The following ADGRG6 variants were observed in gnomAD, a reference collection of about 807,000 sequenced individuals.
ADGRG6 encodes adhesion G protein-coupled receptor G6, also known as G-protein coupled receptor 126.
In ADGRG6, 84 loss-of-function variants were observed where a neutral mutation model predicts 142.4. The ratio of observed to expected loss-of-function variants is 0.59; its 90% CI spans 0.49 to 0.71. The LOEUF is 0.71. ADGRG6 is among the 30% of genes least tolerant of loss of function. The pLI, the probability that ADGRG6 is intolerant of heterozygous loss-of-function variation, is 0.00. For synonymous variants in ADGRG6, 521 were observed against 520.5 expected, an observed-to-expected ratio of 1.00 and a Z score of -0.01; for missense variants, 1,367 against 1,466.6, an observed-to-expected ratio of 0.93 and a Z score of 1.11.
chr6:142,331,792 AC>A (rs1025723401), intron 2 of ADGRG6, among the ~76,000 whole-genome samples: 6 of 152,010 alleles, frequency 3.9e-5, no homozygotes, highest in African/African-American at 1.5e-4. Flanking sequence ...GCTTGCTAGC[AC>A]CCCCTCACTC....
At chr6:142,442,461 G>A (rs1777803475) in intron 24 of ADGRG6, among the ~76,000 whole-genome samples, 1 of 152,044 alleles carries the variant, frequency 6.6e-6, no homozygotes. Context: ...GCCAATTTTA[G>A]AAAGCTTTTG....
intron 2 of ADGRG6, among the ~76,000 whole-genome samples, chr6:142,326,592 C>G (rs1042864142): frequency 6.6e-6 from 1 of 151,268 alleles, no homozygotes. Context: ...TTGTACAGAA[C>G]AGAGTTTTGT....
At chr6:142,303,534 G>T (rs1777331392) in intron 1 of ADGRG6, among the ~76,000 whole-genome samples, 1 of 152,218 alleles carries the variant, frequency 6.6e-6, no homozygotes, top group African/African-American at 2.4e-5. Context: ...ACACCTGGGA[G>T]TTTTAAAGTT....
At chr6:142,338,734 A>G (rs1000275250) in intron 2 of ADGRG6, among the ~76,000 whole-genome samples, 1 of 152,054 alleles carries the variant, frequency 6.6e-6, no homozygotes, top group Non-Finnish European at 1.5e-5. Flanking sequence ...ATAATCCTGT[A>G]ATCTAAAAGA....
chr6:142,354,075 C>T (rs1366270455), intron 2 of ADGRG6, among the ~76,000 whole-genome samples: 1 of 152,098 alleles, frequency 6.6e-6, no homozygotes, highest in Non-Finnish European at 1.5e-5. Context: ...AGACTTGTGT[C>T]CAAAATAGCT....
chr6:142,306,519 T>C (rs1425688904), intron 1 of ADGRG6, among the ~76,000 whole-genome samples: 1 of 152,154 alleles, frequency 6.6e-6, no homozygotes, highest in African/African-American at 2.4e-5. Flanking sequence ...GCAAGTAGTT[T>C]AGTATCTCAG....
At position 142,376,514 on chromosome 6, in the gene ADGRG6, G is replaced by T. The variant is rs1781507485; in HGVS notation, c.1070-5437G>T. On this transcript the variant is annotated intron_variant, in intron 4 of 24. Transcript: ENST00000367609. ...CTCTCTAGGATTTTTTACAGAGTTT[G>T]CTAAGGTTTCATCAACTCTTGGATT... Among the ~76,000 whole-genome samples, 2 of 152,052 alleles carry T rather than the reference G, an allele frequency of 1.3e-5. 1 individual carries two copies. Among genetic ancestry groups the T allele is most frequent in the South Asian group, 4.2e-4 (2 of 4,812 alleles).
At chr6:142,409,294 A>G (rs1775967064) in intron 16 of ADGRG6, among the ~76,000 whole-genome samples, 1 of 152,162 alleles carries the variant, frequency 6.6e-6, no homozygotes, top group South Asian at 2.1e-4. Context: ...CTTATTTCAT[A>G]GCACAGTGTC....
In ADGRG6 at chr6:142,309,558, A is replaced by G; in HGVS notation, c.17A>G (p.Asp6Gly). The change falls in exon 2 of 25, where the codon GAT becomes GGT. Residue 6 changes from aspartate to glycine, a missense_variant. Asp to Gly is a moderately conservative substitution (Grantham distance 94). This residue lies in a region of ADGRG6 where 737 missense variants were observed against 746.5 expected (regional missense o/e 0.99). Coordinates refer to ENST00000367609, the MANE Select transcript of ADGRG6 (RefSeq NM_198569.3). ...TTTCTTTGCAGGATGTTTCGCTCAG[A>G]TCGAATGTGGAGCTGCCATTGGAAA... is the stretch of plus-strand genomic sequence containing the variant. MMFRS[D>G]RMWSCHWKWK... 6.2e-7 allele frequency: 1 copy of G among 1,608,526 alleles called. No individual in the cohort carries two copies. The highest frequency in any genetic ancestry group is 8.5e-7 in the Non-Finnish European group (1 of 1,176,924).
chr6:142,430,054 G>A (rs777302102), intron 22 of ADGRG6, among the ~76,000 whole-genome samples: 4 of 151,556 alleles, frequency 2.6e-5, no homozygotes, highest in Non-Finnish European at 4.4e-5. Context: ...TTGTCTCAGG[G>A]GAAAAAAAAG....
At chr6:142,393,192 GT>G (rs1046633826) in intron 8 of ADGRG6, among the ~76,000 whole-genome samples, 192 bp downstream of exon 8, 6 of 152,056 alleles carry the variant, frequency 3.9e-5, no homozygotes, top group Non-Finnish European at 2.9e-5. Context: ...GTTTTAAACT[GT>G]TTTGATCATG....
chr6:142,421,347 T>C (rs1035482584), intron 22 of ADGRG6, among the ~76,000 whole-genome samples: 6 of 152,202 alleles, frequency 3.9e-5, no homozygotes, highest in African/African-American at 1.2e-4. Flanking sequence ...CATTGTCTTA[T>C]AACAAAGGAA....
chr6:142,413,710 C>G (rs1489787159), intron 18 of ADGRG6, among the ~76,000 whole-genome samples: 3 of 152,054 alleles, frequency 2.0e-5, no homozygotes, highest in African/African-American at 7.2e-5. Context: ...TCCCATGTAC[C>G]CTGGGTGCCC....
At position 142,370,340 on chromosome 6, in the gene ADGRG6, A is replaced by G. The variant is rs1781177105; in HGVS notation, c.616A>G (p.Asn206Asp). ...DSDWTAFSYS[N>D]ASFTQLLSFG... ...TGATTGGACAGCTTTCTCCTACTCA[A>G]ATGCATCCTTCACACAATTGCTCAG... The change falls in exon 4 of 25, where the codon AAT becomes GAT. Residue 206 changes from asparagine to aspartate, a missense_variant. Physicochemically the swap from Asn to Asp is conservative, Grantham distance 23 (BLOSUM62 1). Transcript: ENST00000367609. 1 of 1,613,728 alleles carries G rather than the reference A, an allele frequency of 6.2e-7. No homozygotes were observed. The highest frequency in any genetic ancestry group is 1.3e-5 in the African/African-American group (1 of 75,044).
chr6:142,402,033 A>T lies in ADGRG6; in HGVS notation c.1719A>T (p.Gly573=), dbSNP rs768897834. 1.3e-6 allele frequency: 2 copies of T among 1,555,946 alleles called. No individual in the cohort carries two copies. The highest frequency in any genetic ancestry group is 3.5e-5 in the Admixed American group (2 of 57,756). ...CCAACCCATTGGTAACCTACTGGGG[A>T]CCTGTTGATATCTCCAACTGTTTAA... The part of the protein sequence containing the change: ...NATNPLVTYW[G]PVDISNCLKE... The change falls in exon 12 of 25, where the codon GGA becomes GGT. Residue 573 remains glycine (G), a synonymous_variant. Coordinates refer to ENST00000367609, the MANE Select transcript of ADGRG6 (RefSeq NM_198569.3).
At chr6:142,356,153 CT>C (rs1322002813) in intron 2 of ADGRG6, among the ~76,000 whole-genome samples, 3 of 152,166 alleles carry the variant, frequency 2.0e-5, no homozygotes, top group African/African-American at 7.2e-5. Context: ...GTTCTATTAA[CT>C]TTATAAAAGT....
rs950441365 is a variant in ADGRG6 at position 142,363,012 on chromosome 6, A to G, written c.104-4557A>G. Among the ~76,000 whole-genome samples, 4 of 152,230 alleles carry G rather than the reference A, an allele frequency of 2.6e-5. No homozygotes were observed. The East Asian group carries it at 7.7e-4, about 29-fold the overall frequency. Reference sequence around the variant, plus strand: ...CTGAATAAATGCAGACCAAGCAGGCAACTTAAGCTAAATTTTCTGGAGATA... The same window carrying G: ...CTGAATAAATGCAGACCAAGCAGGCGACTTAAGCTAAATTTTCTGGAGATA... On this transcript the variant is annotated intron_variant, in intron 2 of 24. Coordinates refer to ENST00000367609, the MANE Select transcript of ADGRG6 (RefSeq NM_198569.3).
intron 2 of ADGRG6, among the ~76,000 whole-genome samples, chr6:142,328,248 G>T (rs1050330360): frequency 6.6e-6 from 1 of 152,110 alleles, no homozygotes; most frequent in African/African-American, 2.4e-5. Context: ...TGTTGTCCAG[G>T]CTGAAGTGCA....
Position 142,415,033 on chromosome 6 carries a change from A to G in ADGRG6, c.2606A>G (p.Tyr869Cys), listed in dbSNP as rs1032359171. 5.0e-6 allele frequency: 8 copies of G among 1,610,830 alleles called. No individual in the cohort carries two copies. Among genetic ancestry groups the G allele is most frequent in the Non-Finnish European group, 5.9e-6 (7 of 1,178,022 alleles). Residue 869 changes from tyrosine to cysteine, a missense_variant, in exon 19 of 25, where the codon TAT becomes TGT. Tyr to Cys is a radical substitution (Grantham distance 194, BLOSUM62 -2). Transcript: ENST00000367609. Reference protein sequence around the residue: ...RNTKVLTFISYIGCGISAIFS... With the variant: ...RNTKVLTFISCIGCGISAIFS... ...ACTAAAGTCCTCACTTTCATCAGCT[A>G]TATTGGGTGTGGAATATCTGCTATT...
Sources: gnomAD v4.1 joint callset for allele counts (sites outside exome capture counted in the v4.1 genomes callset) on GRCh38, gnomAD v4.1.1 for gene constraint, gnomAD v4.1.1 regional missense constraint, MANE v1.5 for transcripts, NCBI Gene and HGNC (gene_info 2026-07-23, HGNC 2026-07-21) for gene names.